The following CCDC14 variants were observed in gnomAD, a reference collection of about 807,000 sequenced individuals.
CCDC14 encodes the protein coiled-coil domain-containing protein 14.
CCDC14 carries 71 observed loss-of-function variants against 81.4 expected under a neutral mutation model. The ratio of observed to expected loss-of-function variants is 0.87; its 90% CI spans 0.72 to 1.06. The LOEUF (loss-of-function observed/expected upper bound fraction) is 1.06. Among genes scored for constraint, CCDC14 ranks in the 50% least tolerant of loss-of-function variants. CCDC14 has a pLI of 0.00. For synonymous variants in CCDC14, 332 were observed against 364.8 expected (o/e 0.91, Z 1.03); for missense variants, 1,046 against 1,047.3 (o/e 1.00, Z 0.02).
chr3:123,954,946 A>G (rs1328241439), intron 5 of CCDC14: 2 of 152,158 alleles, frequency 1.3e-5, no homozygotes, highest in African/African-American at 2.4e-5. Context: ...TAAAGCTATC[A>G]TTACTGGCCT....
In CCDC14 at chr3:123,946,788, A is replaced by T. The variant is rs112749405; in HGVS notation, c.1201+15T>A. Reference sequence around the variant, plus strand: ...GTATAACACCATACTACAGAAAGTTATAAGTCCCATCTACCTTGTTCTGCT... The same window carrying T: ...GTATAACACCATACTACAGAAAGTTTTAAGTCCCATCTACCTTGTTCTGCT... On this transcript the variant is annotated intron_variant, in intron 8 of 12. Coordinates refer to ENST00000409697, the MANE Select transcript of CCDC14 (RefSeq NM_001366335.1). The T allele has an allele frequency of 1.9e-6, 3 of 1,602,260 alleles. No individual in the cohort carries two copies. In the South Asian group the frequency reaches 3.4e-5, roughly 18 times the overall value.
At chr3:123,923,945 C>T (rs1294312505) in intron 12 of CCDC14, among the ~76,000 whole-genome samples, 2 of 147,902 alleles carry the variant, frequency 1.4e-5, no homozygotes, top group East Asian at 2.0e-4. Context: ...AATAAACTAT[C>T]CTAAAATTCA....
downstream of CCDC14, among the ~76,000 whole-genome samples, chr3:123,913,216 T>C (rs977705809): frequency 6.6e-6 from 1 of 152,180 alleles, no homozygotes; most frequent in African/African-American, 2.4e-5. Context: ...CTGCTGAAGG[T>C]CCCTGAAGAA....
At chr3:123,957,208 T>A (rs1282253726) in intron 1 of CCDC14, 1 of 152,200 alleles carries the variant, frequency 6.6e-6, no homozygotes, top group Non-Finnish European at 1.5e-5. Flanking sequence ...TACACAATTA[T>A]AATTTAATTC....
chr3:123,944,784 C>A, intron 9 of CCDC14, 65 bp downstream of exon 9: 1 of 1,295,264 alleles, frequency 7.7e-7, no homozygotes, highest in South Asian at 1.7e-5. Context: ...ATGTCATTTG[C>A]ACCTTTGTTC....
At chr3:123,891,149 C>T in the CCDC14 span, among the ~76,000 whole-genome samples, 1 of 152,084 alleles carries the variant, frequency 6.6e-6, no homozygotes, top group African/African-American at 2.4e-5. Flanking sequence ...CTGCACACAG[C>T]ACAGGGATCC....
chr3:123,946,771 C>CCATA, intron 8 of CCDC14, 32 bp downstream of exon 8: 1 of 1,574,892 alleles, frequency 6.3e-7, no homozygotes, highest in Non-Finnish European at 8.6e-7. Context: ...TAGTATAACA[C>CCATA]CATACTACAG....
At chr3:123,956,530 T>C (rs1323026967) in intron 2 of CCDC14, 103 bp from the exon 3 acceptor site, 10 of 849,298 alleles carry the variant, frequency 1.2e-5, no homozygotes, top group South Asian at 3.6e-5. Flanking sequence ...TGTCCAACCA[T>C]GTACAAGATG....
chr3:123,936,647 C>T (rs147200914), intron 9 of CCDC14, among the ~76,000 whole-genome samples: 2 of 151,876 alleles, frequency 1.3e-5, no homozygotes, highest in Non-Finnish European at 2.9e-5. Flanking sequence ...AACTTATTAA[C>T]ACAAAGAAGG....
Position 123,956,278 on chromosome 3 carries a change from T to C in CCDC14, c.159+77A>G, listed in dbSNP as rs141492467. On this transcript the variant is annotated intron_variant, in intron 3 of 12. Coordinates refer to ENST00000409697, the MANE Select transcript of CCDC14 (RefSeq NM_001366335.1). ...ATACTTCCTTAGAGCAATTAATACT[T>C]TGCATTTTATTCCTACTTTTTAGCT... 1.4e-4 allele frequency: 178 copies of C among 1,267,624 alleles called. No homozygotes were observed. In the African/African-American group the frequency reaches 2.6e-3, roughly 19 times the overall value. The allele number at this position is 1,267,624 out of a possible 1,614,324, so 78.5% of individuals were successfully genotyped here.
downstream of CCDC14, among the ~76,000 whole-genome samples, chr3:123,911,997 C>G (rs1461723422): frequency 1.3e-5 from 2 of 151,918 alleles, no homozygotes; most frequent in Non-Finnish European, 2.9e-5. Context: ...TTCTTTGGTT[C>G]TTTAGCCCTG....
rs760013207 is a variant in CCDC14, at chr3:123,915,162, TAC to T, written c.2333_2334del (p.Cys778TyrfsTer17). 4.3e-6 allele frequency: 7 copies of T among 1,613,828 alleles called. No individual in the cohort carries two copies. The highest frequency in any genetic ancestry group is 1.7e-5 in the Admixed American group (1 of 59,990). ...GTTGAAGAGGAACAGATTACAGGTG[TAC>T]ACAGTTTATTTTCTTTTCCAGAGAC... ...LAVSGKENKL[C>X]TPVICSSSTK... On this transcript the variant is annotated frameshift_variant, in exon 13 of 13. Transcript: ENST00000409697. LOFTEE classifies it low-confidence loss of function (END_TRUNC).
chr3:123,906,182 T>C (rs2034303670), intron 5 of CCDC14, among the ~76,000 whole-genome samples: 1 of 151,870 alleles, frequency 6.6e-6, no homozygotes, highest in Non-Finnish European at 1.5e-5. Flanking sequence ...ACAAAAAAAT[T>C]AGCCAGGCGT....
At chr3:123,885,933 C>CT in the CCDC14 span, among the ~76,000 whole-genome samples, 7 of 152,042 alleles carry the variant, frequency 4.6e-5, no homozygotes, top group Non-Finnish European at 8.8e-5. Context: ...TGAATACCTG[C>CT]TTTTTTTTAA....
intron 5 of CCDC14, chr3:123,953,297 T>C (rs1253376606): frequency 6.6e-6 from 1 of 152,242 alleles, no homozygotes; most frequent in Non-Finnish European, 1.5e-5. Context: ...AAGGATGAGG[T>C]AATGTTTCCC....
intron 9 of CCDC14, among the ~76,000 whole-genome samples, chr3:123,938,997 T>A (rs1302892090): frequency 6.6e-6 from 1 of 151,982 alleles, no homozygotes; most frequent in African/African-American, 2.4e-5. Context: ...TATGTATAGA[T>A]TCAATGTTCA....
At chr3:123,941,308 C>A (rs9878311) in intron 9 of CCDC14, among the ~76,000 whole-genome samples, 2,123 of 151,908 alleles carry the variant, frequency 0.014, 52 homozygotes, top group African/African-American at 0.048. Context: ...GCCAAAAATG[C>A]CAAAATATCA....
At chr3:123,945,258 T>C (rs34246651) in intron 8 of CCDC14, among the ~76,000 whole-genome samples, 71,018 of 151,396 alleles carry the variant, frequency 0.47, 18,854 homozygotes, top group Non-Finnish European at 0.62. Flanking sequence ...TTTTTTTTTT[T>C]CAGTTCAAGA....
At position 123,915,410 on chromosome 3, in the gene CCDC14, G is replaced by A. The variant is rs2148781933; in HGVS notation, c.2087C>T (p.Ala696Val). ...GGCAGAAATAATTCCAGGTGCAGATGCTTCCTCCATGCCCCTAGTGTTACT... is the reference window on the plus strand; with the variant it reads ...GGCAGAAATAATTCCAGGTGCAGATACTTCCTCCATGCCCCTAGTGTTACT... ...QNSNTRGMEE[A>V]SAPGIISALS... is the part of the protein sequence containing the mutation. The change falls in exon 13 of 13, where the codon GCA becomes GTA. Residue 696 changes from alanine to valine, a missense_variant. By Grantham distance (64) the Ala-to-Val change is moderately conservative. Coordinates refer to ENST00000409697, the MANE Select transcript of CCDC14 (RefSeq NM_001366335.1). 1 of 1,613,830 alleles carries A rather than the reference G, an allele frequency of 6.2e-7. No individual in the cohort carries two copies.
Sources: gnomAD v4.1 joint callset for allele counts (sites outside exome capture counted in the v4.1 genomes callset) on GRCh38, gnomAD v4.1.1 for gene constraint, MANE v1.5 for transcripts, NCBI Gene and HGNC (gene_info 2026-07-23, HGNC 2026-07-21) for gene names.